The following DMD variants were observed in gnomAD, a reference collection of about 807,000 sequenced individuals.
DMD encodes mutant dystrophin.
A neutral mutation model predicts 330.1 loss-of-function variants in DMD; 63 were observed. The ratio of observed to expected loss-of-function variants is 0.19; its 90% CI spans 0.16 to 0.24. The LOEUF (loss-of-function observed/expected upper bound fraction) is 0.24, where lower values mean the gene tolerates loss of function less well. Among genes scored for constraint, DMD ranks in the 10% least tolerant of loss-of-function variants. DMD has a pLI of 1.00. For missense variants in DMD, 3,344 were observed against 2,684.1 expected (o/e 1.25, Z -5.43); for synonymous variants, 1,223 against 959.8 (o/e 1.27, Z -5.07).
chrX:32,063,187 A>AACACACACAC (rs113943502), intron 44 of DMD, among the ~76,000 whole-genome samples: 14,063 of 100,528 alleles, frequency 0.14, 1,203 homozygotes, highest in African/African-American at 0.3. Flanking sequence ...AAGTATGTCT[A>AACACACACAC]ACACACACAC....
intron 59 of DMD, among the ~76,000 whole-genome samples, chrX:31,468,360 C>T (rs1434870462): frequency 2.7e-5 from 3 of 111,789 alleles, no homozygotes; most frequent in African/African-American, 9.8e-5. Flanking sequence ...GATTCTGGTC[C>T]GTTGTGTATT....
intron 55 of DMD, among the ~76,000 whole-genome samples, chrX:31,529,215 C>A (rs1404122490): frequency 9.7e-6 from 1 of 103,221 alleles, no homozygotes; most frequent in Non-Finnish European, 2.0e-5. Flanking sequence ...GAGCGAGACT[C>A]CATTTCAAAA....
intron 49 of DMD, among the ~76,000 whole-genome samples, chrX:31,822,278 C>G (rs755464611): frequency 1.8e-5 from 2 of 111,860 alleles, no homozygotes; most frequent in Admixed American, 1.9e-4. Context: ...AGGGGCCATT[C>G]AAGCGCCAGG....
At chrX:31,262,867 G>A (rs1008980459) in intron 62 of DMD, among the ~76,000 whole-genome samples, 15 of 112,635 alleles carry the variant, frequency 1.3e-4, no homozygotes, top group Admixed American at 2.8e-4. Flanking sequence ...TTGTTCTCAG[G>A]CATTTCTCAG....
At chrX:31,819,153 A>G (rs1396098593) in intron 50 of DMD, among the ~76,000 whole-genome samples, 1 of 112,337 alleles carries the variant, frequency 8.9e-6, no homozygotes, top group Non-Finnish European at 1.9e-5. Flanking sequence ...AGCCAGCATT[A>G]ACATTGCCAT....
chrX:31,619,510 T>A lies in DMD; in HGVS notation c.8217+8163A>T, dbSNP rs184873356. 4.0e-3 allele frequency among the ~76,000 whole-genome samples: 453 copies of A among 112,063 alleles called. 2 individuals carry two copies. Among genetic ancestry groups the A allele is most frequent in the Non-Finnish European group, 5.4e-3 (287 of 53,115 alleles). On this transcript the variant is annotated intron_variant, in intron 55 of 78. Coordinates refer to ENST00000357033, the MANE Select transcript of DMD (RefSeq NM_004006.3). Reference sequence around the variant, plus strand: ...GTAATTCATAAAATTAATAAGGACCTTTCACTTGAAAGCTTTTTCAAAGTG... The same window carrying A: ...GTAATTCATAAAATTAATAAGGACCATTCACTTGAAAGCTTTTTCAAAGTG...
chrX:33,075,685 T>C (rs746194189), intron 1 of DMD, among the ~76,000 whole-genome samples: 2 of 112,336 alleles, frequency 1.8e-5, no homozygotes, highest in African/African-American at 3.2e-5. Flanking sequence ...CGAAAATGCA[T>C]TCAGGTATTG....
intron 59 of DMD, among the ~76,000 whole-genome samples, chrX:31,453,780 A>AAAAAAAAAAAAAAAAAAAAAAAC (rs1569543806): frequency 9.6e-6 from 1 of 104,364 alleles, no homozygotes; most frequent in African/African-American, 3.5e-5. Flanking sequence ...AAAAAAAAAA[A>AAAAAAAAAAAAAAAAAAAAAAAC]AAAAAAAAAA....
At chrX:32,401,009 G>T (rs1163294576) in intron 30 of DMD, among the ~76,000 whole-genome samples, 2 of 110,532 alleles carry the variant, frequency 1.8e-5, no homozygotes, top group East Asian at 2.9e-4. Context: ...CCATAAAAAA[G>T]GATGAGTTCA....
chrX:32,043,526 T>G, intron 44 of DMD, among the ~76,000 whole-genome samples: 1 of 112,216 alleles, frequency 8.9e-6, no homozygotes, highest in Non-Finnish European at 1.9e-5. Context: ...TTTAATTGAG[T>G]TAAAGCATAA....
Position 32,172,572 on chromosome X carries a change from C to T in DMD, c.6438+44344G>A, listed in dbSNP as rs778868062. Among the ~76,000 whole-genome samples the T allele has an allele frequency of 1.9e-4, 21 of 111,329 alleles. No homozygotes were observed. In the South Asian group the frequency reaches 7.6e-3, roughly 40 times the overall value. On this transcript the variant is annotated intron_variant, in intron 44 of 78. Coordinates refer to ENST00000357033, the MANE Select transcript of DMD (RefSeq NM_004006.3). ...CCAGACTGTGAAGCCTTTCTCAAGT[C>T]CCACAACGGGAGTTATATCTGTCAC...
At chrX:32,366,315 G>A (rs1349585458) in intron 34 of DMD, among the ~76,000 whole-genome samples, 2 of 111,789 alleles carry the variant, frequency 1.8e-5, no homozygotes, top group Admixed American at 9.5e-5. Context: ...CCAGCTGTGG[G>A]ACATTCACAG....
rs147495710 is a variant in DMD at position 32,388,881 on chromosome X, G to T, written c.4518+620C>A. 5.6e-3 allele frequency among the ~76,000 whole-genome samples: 624 copies of T among 111,083 alleles called. 4 individuals are homozygous for T. The highest frequency in any genetic ancestry group is 0.019 in the African/African-American group (590 of 30,604). On this transcript the variant is annotated intron_variant, in intron 32 of 78. Coordinates refer to ENST00000357033, the MANE Select transcript of DMD (RefSeq NM_004006.3). ...TGAGTTTCCAATAACAGCAACATAGGACACCGTTCAATATTATAAAGTTTA... is the reference window on the plus strand; with the variant it reads ...TGAGTTTCCAATAACAGCAACATAGTACACCGTTCAATATTATAAAGTTTA...
chrX:32,346,324 G>A (rs898251401), intron 38 of DMD, among the ~76,000 whole-genome samples: 3 of 111,296 alleles, frequency 2.7e-5, no homozygotes, highest in African/African-American at 6.5e-5. Flanking sequence ...TAGAAAGATG[G>A]GGGAGTGTGG....
At chrX:32,052,991 A>G (rs1291016010) in intron 44 of DMD, among the ~76,000 whole-genome samples, 1 of 111,409 alleles carries the variant, frequency 9.0e-6, no homozygotes, top group East Asian at 2.8e-4. Context: ...AATAAAGAAT[A>G]CTCATAAATT....
intron 1 of DMD, among the ~76,000 whole-genome samples, chrX:33,314,736 G>A (rs1041643394): frequency 6.4e-5 from 7 of 108,839 alleles, no homozygotes; most frequent in African/African-American, 2.3e-4. Context: ...AAAGCAAGCA[G>A]TATAGCATCT....
chrX:33,030,873 C>T (rs910146258), intron 1 of DMD, among the ~76,000 whole-genome samples: 1 of 111,674 alleles, frequency 9.0e-6, no homozygotes, highest in African/African-American at 3.2e-5. Context: ...AAGCAAACAG[C>T]CAAATGTGCA....
chrX:31,510,530 CAG>C (rs1201326843), intron 55 of DMD, among the ~76,000 whole-genome samples: 2 of 73,125 alleles, frequency 2.7e-5, no homozygotes, highest in Non-Finnish European at 4.7e-5. Context: ...TTTTTTGAGA[CAG>C]AGTCTCGCTC....
intron 1 of DMD, among the ~76,000 whole-genome samples, chrX:33,321,858 C>CA (rs1188756691): frequency 8.9e-6 from 1 of 111,757 alleles, no homozygotes; most frequent in East Asian, 2.8e-4. Context: ...CTTGCTGCCT[C>CA]ACCTTGCACT....
Sources: allele counts gnomAD v4.1 joint callset (sites outside exome capture counted in the v4.1 genomes callset), GRCh38; gene constraint gnomAD v4.1.1; transcripts MANE v1.5; gene names NCBI Gene and HGNC (gene_info 2026-07-23, HGNC 2026-07-21).